The following CPPED1 variants were observed in gnomAD, a reference collection of about 807,000 sequenced individuals.
The protein encoded by CPPED1 is calcineurin like phosphoesterase domain containing 1, also known as serine/threonine-protein phosphatase CPPED1.
In CPPED1, 28 loss-of-function variants were observed where a neutral mutation model predicts 28.0. That is an observed-to-expected ratio of 1.00 (90% CI 0.74 to 1.37). CPPED1 has a LOEUF of 1.37. Among genes scored for constraint, CPPED1 ranks in the 40% most tolerant of loss-of-function variants. The pLI, the probability that CPPED1 is intolerant of heterozygous loss-of-function variation, is 0.00. For synonymous variants in CPPED1, 198 were observed against 180.2 expected, an observed-to-expected ratio of 1.10 and a Z score of -0.79; for missense variants, 504 against 416.5, an observed-to-expected ratio of 1.21 and a Z score of -1.83.
At chr16:12,687,804 AGAG>A (rs1264004154) in intron 3 of CPPED1, among the ~76,000 whole-genome samples, 1 of 152,208 alleles carries the variant, frequency 6.6e-6, no homozygotes, top group Non-Finnish European at 1.5e-5. Flanking sequence ...GGCTTGGCAT[AGAG>A]TAGTCAATCC....
chr16:12,798,979 G>A (rs1478453709), intron 1 of CPPED1, among the ~76,000 whole-genome samples: 4 of 152,168 alleles, frequency 2.6e-5, no homozygotes, highest in Non-Finnish European at 5.9e-5. Context: ...ACGGATGACT[G>A]AAACCAAGTG....
At chr16:12,779,936 C>G (rs2080520031) in intron 2 of CPPED1, among the ~76,000 whole-genome samples, 1 of 152,154 alleles carries the variant, frequency 6.6e-6, no homozygotes, top group Non-Finnish European at 1.5e-5. Context: ...TCTCCGTTTG[C>G]TTATACCTGC....
Position 12,788,116 on chromosome 16 carries a change from G to A in CPPED1, c.71-6713C>T, listed in dbSNP as rs542210948. Among the ~76,000 whole-genome samples, 25 of 152,238 alleles carry A rather than the reference G, an allele frequency of 1.6e-4. No individual in the cohort carries two copies. In the South Asian group the frequency reaches 2.3e-3, roughly 14 times the overall value. On this transcript the variant is annotated intron_variant, in intron 1 of 3. Coordinates refer to ENST00000381774, the MANE Select transcript of CPPED1 (RefSeq NM_018340.3). ...TTGCAATATGGAGACTTGCCTCATC[G>A]AACCACACAAGGCAGAGGGTCTGCT...
intron 3 of CPPED1, among the ~76,000 whole-genome samples, chr16:12,688,093 G>A (rs1260629458): frequency 2.7e-5 from 4 of 150,678 alleles, no homozygotes; most frequent in Admixed American, 6.6e-5. Flanking sequence ...GCAGTGGTGC[G>A]ATCATGGTTT....
At chr16:12,691,848 GAC>G (rs2079965062) in intron 3 of CPPED1, among the ~76,000 whole-genome samples, 1 of 145,720 alleles carries the variant, frequency 6.9e-6, no homozygotes, top group Admixed American at 6.7e-5. Flanking sequence ...AGCATTAGGA[GAC>G]ATGCCTAATG....
At chr16:12,767,319 C>CT (rs1361431033) in intron 2 of CPPED1, among the ~76,000 whole-genome samples, 1 of 152,178 alleles carries the variant, frequency 6.6e-6, no homozygotes, top group Admixed American at 6.5e-5. Context: ...TTTTCTCCAT[C>CT]TTTTTGTTCT....
At position 12,711,113 on chromosome 16, in the gene CPPED1, C is replaced by T. The variant is rs150772256; in HGVS notation, c.290-6064G>A. The stretch of plus-strand genomic sequence containing the variant: ...ATCCACTGACAGATGAATGGATAAG[C>T]GAACTGTGGTATATCCATACAACGA... On this transcript the variant is annotated intron_variant, in intron 2 of 3. Coordinates refer to ENST00000381774, the MANE Select transcript of CPPED1 (RefSeq NM_018340.3). Among the ~76,000 whole-genome samples the T allele has an allele frequency of 7.4e-3, 1,128 of 152,230 alleles. 14 individuals carry two copies. The highest frequency in any genetic ancestry group is 0.026 in the African/African-American group (1,063 of 41,522).
chr16:12,700,649 C>T (rs1425480362), intron 3 of CPPED1, among the ~76,000 whole-genome samples: 1 of 152,214 alleles, frequency 6.6e-6, no homozygotes, highest in Non-Finnish European at 1.5e-5. Flanking sequence ...GCCTTGGCCT[C>T]CCAAAGTGCT....
intron 1 of CPPED1, among the ~76,000 whole-genome samples, chr16:12,802,874 G>A (rs556244956): frequency 3.9e-5 from 6 of 152,182 alleles, no homozygotes; most frequent in Admixed American, 6.5e-5. Context: ...AACCCTGAAG[G>A]AAGTGGACAC....
rs114751169 is a variant in CPPED1, at chr16:12,682,183, C to T, written c.716-17068G>A. The stretch of plus-strand genomic sequence containing the variant: ...CCGAGTAGCTGAGATTACAGGTTCC[C>T]GCTACCATGCCCAGCTAATTTTTGT... On this transcript the variant is annotated intron_variant, in intron 3 of 3. Coordinates refer to ENST00000381774, the MANE Select transcript of CPPED1 (RefSeq NM_018340.3). This position sits in a 1 kb window ranked among gnomAD's most constrained non-coding sequence, Gnocchi z 6.1. 0.026 allele frequency among the ~76,000 whole-genome samples: 3,894 copies of T among 152,064 alleles called. 177 individuals are homozygous for T. Among genetic ancestry groups the T allele is most frequent in the African/African-American group, 0.089 (3,695 of 41,444 alleles).
At chr16:12,686,113 T>C (rs1361030916) in intron 3 of CPPED1, among the ~76,000 whole-genome samples, 1 of 152,194 alleles carries the variant, frequency 6.6e-6, no homozygotes. Context: ...TCCTGTTCTG[T>C]ACAGCCCAAA....
chr16:12,803,830 G>GACTTCACACA lies in CPPED1; in HGVS notation c.-64_-55dup. 6.6e-7 allele frequency: 1 copy of GACTTCACACA among 1,506,686 alleles called. No individual in the cohort carries two copies. 93.3% of individuals were successfully genotyped at this position (1,506,686 alleles called of 1,614,324 possible). On this transcript the variant is annotated 5_prime_UTR_variant, in exon 1 of 4. Coordinates refer to ENST00000381774, the MANE Select transcript of CPPED1 (RefSeq NM_018340.3). ...AACACTGCGTGGGTGGAAGCCGCGC[G>GACTTCACACA]ACTTCACACAGAACAACCGCTGGAC... is the stretch of plus-strand genomic sequence containing the variant.
chr16:12,797,369 A>C (rs2865893), intron 1 of CPPED1, among the ~76,000 whole-genome samples: 1 of 151,890 alleles, frequency 6.6e-6, no homozygotes, highest in Admixed American at 6.6e-5. Context: ...TGAGTGACAC[A>C]GCGAAACTGT....
At position 12,660,162 on chromosome 16, in the gene CPPED1, G is replaced by A. The variant is rs1417413320; in HGVS notation, c.*4724C>T. The A allele has an allele frequency of 6.6e-6, 1 of 152,206 alleles. No individual in the cohort carries two copies. Among genetic ancestry groups the A allele is most frequent in the Non-Finnish European group, 1.5e-5 (1 of 68,054 alleles). 9.4% of individuals were successfully genotyped at this position (152,206 alleles called of 1,614,324 possible). On this transcript the variant is annotated 3_prime_UTR_variant, in exon 4 of 4. Transcript: ENST00000381774. ...AAGCAGGAAGGCCACTTTCAGGGGTGAGCGTTTGAGTGGATGTTGAAATGA... is the reference window on the plus strand; with the variant it reads ...AAGCAGGAAGGCCACTTTCAGGGGTAAGCGTTTGAGTGGATGTTGAAATGA...
chr16:12,795,440 T>C (rs992093114), intron 1 of CPPED1, among the ~76,000 whole-genome samples: 11 of 152,172 alleles, frequency 7.2e-5, no homozygotes, highest in Admixed American at 1.3e-4. Flanking sequence ...CCCAGGCGCA[T>C]GCAGTTCTCC....
chr16:12,683,857 G>A (rs374346492), intron 3 of CPPED1, among the ~76,000 whole-genome samples: 4 of 152,220 alleles, frequency 2.6e-5, no homozygotes, highest in Non-Finnish European at 5.9e-5. Context: ...GAGGAGGTGA[G>A]CAGTCCAGGG....
intron 2 of CPPED1, among the ~76,000 whole-genome samples, chr16:12,737,911 G>A (rs991778506): frequency 3.9e-5 from 6 of 152,028 alleles, no homozygotes; most frequent in South Asian, 4.1e-4. Flanking sequence ...CGAGGAATCC[G>A]GTCATTTTTT....
At chr16:12,801,955 G>A (rs35948928) in intron 1 of CPPED1, among the ~76,000 whole-genome samples, 3,745 of 152,254 alleles carry the variant, frequency 0.025, 102 homozygotes, top group East Asian at 0.14. Context: ...GAGCGACCTT[G>A]ACCTTCAGGG....
chr16:12,678,722 T>C (rs1018100331), intron 3 of CPPED1, among the ~76,000 whole-genome samples: 4 of 152,220 alleles, frequency 2.6e-5, no homozygotes, highest in African/African-American at 9.6e-5. Context: ...ACAATTATTT[T>C]TGTCTATTAA....
Sources: allele counts gnomAD v4.1 joint callset (sites outside exome capture counted in the v4.1 genomes callset), GRCh38; gene constraint gnomAD v4.1.1; non-coding constraint Gnocchi (gnomAD v3.1); transcripts MANE v1.5; gene names NCBI Gene and HGNC (gene_info 2026-07-23, HGNC 2026-07-21).